HEYL: variants seen among roughly 807,000 people sequenced by gnomAD.
HEYL encodes the protein hes related family bHLH transcription factor with YRPW motif like.
A neutral mutation model predicts 18.6 loss-of-function variants in HEYL; 12 were observed. The observed-to-expected ratio is 0.65, with a 90% CI of 0.41 to 1.05. The LOEUF is 1.05. Ranked by LOEUF, HEYL falls within the 50% of genes least tolerant of loss-of-function variation. The pLI is 0.00. For synonymous variants in HEYL, 159 were observed against 179.6 expected, an observed-to-expected ratio of 0.89 and a Z score of 0.91; for missense variants, 420 against 444.7, an observed-to-expected ratio of 0.94 and a Z score of 0.50.
chr1:39,625,815 T>A lies in HEYL; in HGVS notation c.*692A>T, dbSNP rs972841278. 6.6e-6 allele frequency: 1 copy of A among 152,524 alleles called. No homozygotes were observed. Among genetic ancestry groups the A allele is most frequent in the African/African-American group, 2.4e-5 (1 of 41,452 alleles). 9.4% of individuals were successfully genotyped at this position (152,524 alleles called of 1,614,324 possible). A position where few individuals can be genotyped will look rare whatever the true frequency, so the allele number is the denominator to read the frequency against. On this transcript the variant is annotated 3_prime_UTR_variant, in exon 5 of 5. Transcript: ENST00000372852. Reference sequence around the variant, plus strand: ...AGCTGGGTTTACCAGGCCAGCTGTGTGCAGGGACCTGTTAGTCAGTGAGAG... The same window carrying A: ...AGCTGGGTTTACCAGGCCAGCTGTGAGCAGGGACCTGTTAGTCAGTGAGAG...
chr1:39,639,618 C>T lies in HEYL; in HGVS notation c.8G>A (p.Arg3Gln). The T allele has an allele frequency of 6.4e-7, 1 of 1,560,508 alleles. No homozygotes were observed. Among genetic ancestry groups the T allele is most frequent in the Non-Finnish European group, 8.6e-7 (1 of 1,159,604 alleles). Reference sequence around the variant, plus strand: ...GTCGGAGCCGCTCGGCTCCTTGGGTCGCTTCATGGCGAACGCAGGCTGCCT... The same window carrying T: ...GTCGGAGCCGCTCGGCTCCTTGGGTTGCTTCATGGCGAACGCAGGCTGCCT... The part of the protein sequence containing the change: MK[R>Q]PKEPSGSDGE... Residue 3 changes from arginine (R) to glutamine (Q), a missense_variant, in exon 1 of 5, where the codon CGA (arginine) becomes CAA (glutamine). Transcript: ENST00000372852.
chr1:39,637,432 A>C (rs560185996), intron 1 of HEYL, among the ~76,000 whole-genome samples: 1 of 152,212 alleles, frequency 6.6e-6, no homozygotes, highest in South Asian at 2.1e-4. Context: ...TTCTTTGTAC[A>C]TGAAGCTCTT....
Position 39,625,622 on chromosome 1 carries a change from G to A in HEYL, c.*885C>T, listed in dbSNP as rs1646292221. ...CATCACATGGGGCCACGGCCCCTCT[G>A]CACTGTGCACCCAATGGGGAGGGAC... On this transcript the variant is annotated 3_prime_UTR_variant, in exon 5 of 5. Coordinates refer to ENST00000372852, the MANE Select transcript of HEYL (RefSeq NM_014571.4). 1 of 152,444 alleles carries A rather than the reference G, an allele frequency of 6.6e-6. No homozygotes were observed. The highest frequency in any genetic ancestry group is 6.5e-5 in the Admixed American group (1 of 15,292). The allele number at this position is 152,444 out of a possible 1,614,324, so 9.4% of individuals were successfully genotyped here. A position where few individuals can be genotyped will look rare whatever the true frequency, so the allele number is the denominator to read the frequency against.
intron 1 of HEYL, among the ~76,000 whole-genome samples, chr1:39,637,671 A>T (rs1264203398): frequency 1.1e-4 from 16 of 152,218 alleles, no homozygotes; most frequent in Non-Finnish European, 7.3e-5. Flanking sequence ...TGCTCCTCTA[A>T]GAACAGTGTC....
At chr1:39,628,556 G>GGT (rs983291797) in intron 4 of HEYL, among the ~76,000 whole-genome samples, 151 of 151,782 alleles carry the variant, frequency 9.9e-4, no homozygotes, top group African/African-American at 3.6e-3. Context: ...TGGGATTACA[G>GGT]GTGTGAGCCA....
chr1:39,637,415 A>G (rs1030911249), intron 1 of HEYL, among the ~76,000 whole-genome samples: 1 of 152,056 alleles, frequency 6.6e-6, no homozygotes, highest in Non-Finnish European at 1.5e-5. Flanking sequence ...GTCAGTGTTT[A>G]TCTGCTTTCT....
intron 3 of HEYL, 78 bp from the exon 4 acceptor site, chr1:39,630,386 C>T (rs1014677898): frequency 5.3e-6 from 6 of 1,125,426 alleles, no homozygotes; most frequent in African/African-American, 3.0e-5. Flanking sequence ...CTCACTGTCT[C>T]GATTTTCTCA....
At chr1:39,629,591 G>C (rs2124111405) in intron 4 of HEYL, among the ~76,000 whole-genome samples, 1 of 152,298 alleles carries the variant, frequency 6.6e-6, no homozygotes, top group Non-Finnish European at 1.5e-5. Flanking sequence ...TTGTGGCCAA[G>C]GCCTGTGGAG....
At chr1:39,632,609 C>T (rs961115257) in intron 2 of HEYL, 40 bp downstream of exon 2, 2 of 1,575,632 alleles carry the variant, frequency 1.3e-6, no homozygotes, top group Non-Finnish European at 1.7e-6. Flanking sequence ...TTCATGGCAA[C>T]CCTTTGTTGG....
At chr1:39,631,925 G>A (rs912305119) in intron 2 of HEYL, among the ~76,000 whole-genome samples, 2 of 152,242 alleles carry the variant, frequency 1.3e-5, no homozygotes, top group Non-Finnish European at 2.9e-5. Context: ...TGGGCCAGGA[G>A]GGTGACCCCG....
chr1:39,636,340 C>T (rs1160710244), intron 1 of HEYL, among the ~76,000 whole-genome samples: 1 of 151,772 alleles, frequency 6.6e-6, no homozygotes, highest in Non-Finnish European at 1.5e-5. Flanking sequence ...AATCTCAGCT[C>T]ACTGCAACCT....
chr1:39,626,357 T>C lies in HEYL; in HGVS notation c.*150A>G, dbSNP rs1646296756. 2 of 634,846 alleles carry C rather than the reference T, an allele frequency of 3.2e-6. No homozygotes were observed. Among genetic ancestry groups the C allele is most frequent in the Non-Finnish European group, 2.6e-6 (1 of 380,240 alleles). 39.3% of individuals were successfully genotyped at this position (634,846 alleles called of 1,614,324 possible). ...GATAACAGTGAGAAGGAGAGATGGG[T>C]TGGAGGAGGAGGGGGCCTCTGATGG... On this transcript the variant is annotated 3_prime_UTR_variant, in exon 5 of 5. Transcript: ENST00000372852.
chr1:39,632,862 G>C, intron 1 of HEYL, 147 bp from the exon 2 acceptor site: 1 of 1,501,054 alleles, frequency 6.7e-7, no homozygotes, highest in Non-Finnish European at 8.8e-7. Context: ...TTCAACCCGG[G>C]TCAAGTCCTC....
rs924946962 is a variant in HEYL, at chr1:39,626,317, G to A, written c.*190C>T. The A allele has an allele frequency of 1.7e-6, 1 of 581,622 alleles. No individual in the cohort carries two copies. The highest frequency in any genetic ancestry group is 1.9e-5 in the African/African-American group (1 of 52,604). The allele number at this position is 581,622 out of a possible 1,614,324, so 36.0% of individuals were successfully genotyped here. Reference sequence around the variant, plus strand: ...AGACCAGAACAGCTCCAGGAGAGCTGGGTGGATAAGCTGGGATAACAGTGA... The same window carrying A: ...AGACCAGAACAGCTCCAGGAGAGCTAGGTGGATAAGCTGGGATAACAGTGA... On this transcript the variant is annotated 3_prime_UTR_variant, in exon 5 of 5. Coordinates refer to ENST00000372852, the MANE Select transcript of HEYL (RefSeq NM_014571.4).
intron 3 of HEYL, 34 bp from the exon 4 acceptor site, chr1:39,630,342 C>A (rs369668500): frequency 1.6e-5 from 24 of 1,534,980 alleles, no homozygotes; most frequent in Non-Finnish European, 2.1e-5. Flanking sequence ...GTGGAGCCTG[C>A]AGCTGACCAT....
chr1:39,632,582 C>G, intron 2 of HEYL, 67 bp downstream of exon 2: 1 of 1,417,270 alleles, frequency 7.1e-7, no homozygotes, highest in Non-Finnish European at 9.7e-7. Flanking sequence ...TTCTCCCCGC[C>G]GCCAGACTGC....
At chr1:39,633,059 CGG>C (rs1374879465) in intron 1 of HEYL, 1 of 959,980 alleles carries the variant, frequency 1.0e-6, no homozygotes, top group African/African-American at 1.8e-5. Context: ...CCGGCGGCGG[CGG>C]GGCTGGGCCG....
intron 1 of HEYL, among the ~76,000 whole-genome samples, chr1:39,635,532 C>A (rs1646358193): frequency 6.6e-6 from 1 of 152,212 alleles, no homozygotes; most frequent in African/African-American, 2.4e-5. Flanking sequence ...TATTTCCCCC[C>A]TTCTCCTCTT....
chr1:39,639,615 G>T lies in HEYL; in HGVS notation c.11C>A (p.Pro4His). Residue 4 changes from proline to histidine, a missense_variant, in exon 1 of 5, where the codon CCC (proline) becomes CAC (histidine). By Grantham distance (77) the Pro-to-His change is moderately conservative (BLOSUM62 -2). Coordinates refer to ENST00000372852, the MANE Select transcript of HEYL (RefSeq NM_014571.4). ...CCCGTCGGAGCCGCTCGGCTCCTTG[G>T]GTCGCTTCATGGCGAACGCAGGCTG... MKR[P>H]KEPSGSDGES... is the part of the protein sequence containing the mutation. 6.4e-7 allele frequency: 1 copy of T among 1,567,918 alleles called. No individual in the cohort carries two copies.
Sources: gnomAD v4.1 joint callset for allele counts (sites outside exome capture counted in the v4.1 genomes callset) on GRCh38, gnomAD v4.1.1 for gene constraint, MANE v1.5 for transcripts, NCBI Gene and HGNC (gene_info 2026-07-23, HGNC 2026-07-21) for gene names.